SCNN1B: variants seen among roughly 807,000 people sequenced by gnomAD.
The protein encoded by SCNN1B is sodium channel epithelial 1 subunit beta, also known as epithelial sodium channel subunit beta.
A neutral mutation model predicts 65.3 loss-of-function variants in SCNN1B; 46 were observed. The ratio of observed to expected loss-of-function variants is 0.70; its 90% CI spans 0.56 to 0.90. SCNN1B has a LOEUF of 0.90. SCNN1B is among the 40% of genes least tolerant of loss of function. The probability of loss-of-function intolerance (pLI) is 0.00; values close to 1 mark genes in which losing one functional copy is unlikely to be tolerated. For missense variants in SCNN1B, 751 were observed against 830.5 expected (o/e 0.90, Z 1.18); for synonymous variants, 349 against 330.6 (o/e 1.06, Z -0.60).
At chr16:23,342,288 C>T (rs1177767646) in intron 1 of SCNN1B, among the ~76,000 whole-genome samples, 1 of 151,808 alleles carries the variant, frequency 6.6e-6, no homozygotes, top group Non-Finnish European at 1.5e-5. Flanking sequence ...ACTCTTGACA[C>T]CCAGGCTGGA....
intron 6 of SCNN1B, 135 bp from the exon 7 acceptor site, chr16:23,371,641 C>T (rs1962787087): frequency 4.0e-6 from 4 of 993,132 alleles, no homozygotes; most frequent in East Asian, 5.0e-5. Flanking sequence ...AGCCCTCTGG[C>T]GCCCCCTCTG....
rs1347148161 is a variant in SCNN1B at position 23,377,215 on chromosome 16, A to G, written c.1321A>G (p.Ile441Val). ...QMSVAQRETC[I>V]GMCKESCNDT... Reference sequence around the variant, plus strand: ...GAGCGTGGCGCAGAGAGAGACCTGCATTGGCATGTGCAAGGAGTCCTGCAA... The same window carrying G: ...GAGCGTGGCGCAGAGAGAGACCTGCGTTGGCATGTGCAAGGAGTCCTGCAA... Residue 441 changes from isoleucine (I) to valine (V), a missense_variant, in exon 9 of 13, where the codon ATT becomes GTT. Coordinates refer to ENST00000343070, the MANE Select transcript of SCNN1B (RefSeq NM_000336.3). The G allele has an allele frequency of 1.2e-6, 2 of 1,614,222 alleles. No homozygotes were observed. The highest frequency in any genetic ancestry group is 1.1e-5 in the South Asian group (1 of 91,090).
intron 6 of SCNN1B, 122 bp downstream of exon 6, chr16:23,371,584 T>C: frequency 8.5e-7 from 1 of 1,174,408 alleles, no homozygotes; most frequent in Non-Finnish European, 1.2e-6. Flanking sequence ...CCTTCCTTCC[T>C]TTTGGCTGGA....
intron 1 of SCNN1B, among the ~76,000 whole-genome samples, chr16:23,328,666 C>T (rs918576031): frequency 2.0e-5 from 3 of 152,206 alleles, no homozygotes; most frequent in Non-Finnish European, 4.4e-5. Context: ...TCCTAAAATT[C>T]GGAAGTGGGT....
intron 1 of SCNN1B, among the ~76,000 whole-genome samples, chr16:23,340,000 G>A (rs1366755451): frequency 6.6e-6 from 1 of 152,048 alleles, no homozygotes; most frequent in Non-Finnish European, 1.5e-5. Context: ...TCTAATGGGT[G>A]TGAAGTGATA....
At chr16:23,296,864 G>A (rs938829597) in intron 2 of SCNN1B, among the ~76,000 whole-genome samples, 5 of 152,020 alleles carry the variant, frequency 3.3e-5, no homozygotes, top group East Asian at 1.9e-4. Flanking sequence ...GCTGGGCTTG[G>A]TGAGGCGCAC....
At chr16:23,349,539 A>G (rs376741142) in intron 2 of SCNN1B, among the ~76,000 whole-genome samples, 25 of 152,074 alleles carry the variant, frequency 1.6e-4, no homozygotes, top group African/African-American at 6.0e-4. Context: ...AACAGATGCT[A>G]TCTCTTAAAA....
At chr16:23,363,992 C>A in intron 4 of SCNN1B, among the ~76,000 whole-genome samples, 1 of 151,862 alleles carries the variant, frequency 6.6e-6, no homozygotes, top group Non-Finnish European at 1.5e-5. Context: ...CATGGTGAAA[C>A]CCTGTCTCTA....
chr16:23,318,181 A>C (rs931440903), intron 1 of SCNN1B, among the ~76,000 whole-genome samples: 1 of 152,152 alleles, frequency 6.6e-6, no homozygotes, highest in Non-Finnish European at 1.5e-5. Context: ...AATATAGCAA[A>C]GTGGTTATGA....
At chr16:23,379,226 C>T (rs944708188) in intron 11 of SCNN1B, among the ~76,000 whole-genome samples, 4 of 147,898 alleles carry the variant, frequency 2.7e-5, no homozygotes, top group South Asian at 2.2e-4. Context: ...CTCCCACCCA[C>T]GCACCCAGCC....
intron 1 of SCNN1B, among the ~76,000 whole-genome samples, chr16:23,279,783 T>C (rs959724649): frequency 6.6e-6 from 1 of 152,154 alleles, no homozygotes; most frequent in Admixed American, 6.6e-5. Context: ...CAGCCAGGCA[T>C]GACTGATCTG....
chr16:23,380,296 C>T lies in SCNN1B; in HGVS notation c.1543-125C>T. On this transcript the variant is annotated intron_variant, in intron 12 of 12. Coordinates refer to ENST00000343070, the MANE Select transcript of SCNN1B (RefSeq NM_000336.3). This position sits in a 1 kb window ranked among gnomAD's most constrained non-coding sequence, Gnocchi z 5.4. Reference sequence around the variant, plus strand: ...ATCCCTAAGACAGTCCCAAGTTATTCCCCTGGGCCAAGATGGTCACCCCCT... The same window carrying T: ...ATCCCTAAGACAGTCCCAAGTTATTTCCCTGGGCCAAGATGGTCACCCCCT... 6.6e-7 allele frequency: 1 copy of T among 1,519,310 alleles called. No homozygotes were observed. Among genetic ancestry groups the T allele is most frequent in the African/African-American group, 1.4e-5 (1 of 73,070 alleles). The allele number at this position is 1,519,310 out of a possible 1,614,324, so 94.1% of individuals were successfully genotyped here. A position where few individuals can be genotyped will look rare whatever the true frequency, so the allele number is the denominator to read the frequency against.
At position 23,355,288 on chromosome 16, in the gene SCNN1B, G is replaced by C. The variant is rs778349225; in HGVS notation, c.586-11G>C. 1.2e-6 allele frequency: 2 copies of C among 1,613,950 alleles called. No homozygotes were observed. The highest frequency in any genetic ancestry group is 8.5e-7 in the Non-Finnish European group (1 of 1,179,958). On this transcript the variant is annotated splice_polypyrimidine_tract_variant and intron_variant, in intron 3 of 12. Transcript: ENST00000343070. ...CACGCCACCCACAAAAACCCCTCTT[G>C]GCCTCCACAGTGTAGCCTCAACAGG...
chr16:23,305,611 G>A (rs1414048740), intron 1 of SCNN1B, among the ~76,000 whole-genome samples: 2 of 127,572 alleles, frequency 1.6e-5, no homozygotes, highest in Admixed American at 8.9e-5. Context: ...CCTGGGTGTG[G>A]TGGCATGTAC....
chr16:23,377,574 C>CCCTTCCTTTCTTCCTTCTCCCTT (rs149646061), intron 10 of SCNN1B, among the ~76,000 whole-genome samples, 188 bp downstream of exon 10: 2,018 of 125,092 alleles, frequency 0.016, 67 homozygotes, highest in African/African-American at 0.057. Context: ...CCTCTCTTTT[C>CCCTTCCTTTCTTCCTTCTCCCTT]CCTTCCTCCC....
chr16:23,373,400 T>C (rs1962825550), intron 7 of SCNN1B, among the ~76,000 whole-genome samples: 1 of 152,134 alleles, frequency 6.6e-6, no homozygotes, highest in African/African-American at 2.4e-5. Flanking sequence ...AGTGCTGGGA[T>C]TATAGGCATG....
chr16:23,349,629 C>T (rs899961228), intron 2 of SCNN1B, among the ~76,000 whole-genome samples: 1 of 152,132 alleles, frequency 6.6e-6, no homozygotes, highest in Non-Finnish European at 1.5e-5. Context: ...GCCTATTTAT[C>T]GATTCCACGC....
At chr16:23,325,110 G>T (rs963218354) in intron 1 of SCNN1B, among the ~76,000 whole-genome samples, 21 of 152,292 alleles carry the variant, frequency 1.4e-4, no homozygotes, top group African/African-American at 5.1e-4. Context: ...CTCTGGTGCA[G>T]CCACCTCCTC....
At chr16:23,360,715 C>A (rs1962533822) in intron 4 of SCNN1B, among the ~76,000 whole-genome samples, 1 of 151,408 alleles carries the variant, frequency 6.6e-6, no homozygotes. Context: ...CGTGTCTCAG[C>A]CCCCCGAGTA....
Sources: allele counts gnomAD v4.1 joint callset (sites outside exome capture counted in the v4.1 genomes callset), GRCh38; gene constraint gnomAD v4.1.1; non-coding constraint Gnocchi (gnomAD v3.1); transcripts MANE v1.5; gene names NCBI Gene and HGNC (gene_info 2026-07-23, HGNC 2026-07-21).